LRTM1: variants seen among roughly 807,000 people sequenced by gnomAD.
LRTM1 encodes leucine-rich repeat and transmembrane domain-containing protein 1.
A neutral mutation model predicts 32.4 loss-of-function variants in LRTM1; 38 were observed. The ratio of observed to expected loss-of-function variants is 1.17; its 90% CI spans 0.91 to 1.54. The LOEUF (loss-of-function observed/expected upper bound fraction) is 1.54, where lower values mean the gene tolerates loss of function less well. Among genes scored for constraint, LRTM1 ranks in the 40% most tolerant of loss-of-function variants. LRTM1 has a pLI of 0.00. For missense variants in LRTM1, 466 were observed against 415.4 expected, an observed-to-expected ratio of 1.12 and a Z score of -1.06; for synonymous variants, 186 against 169.9, an observed-to-expected ratio of 1.09 and a Z score of -0.74.
At position 54,918,332 on chromosome 3, in the gene LRTM1, CTTTTTTTTT is replaced by C. The variant is rs533596688; in HGVS notation, c.*118_*126del. ...TTTTACAGACACATCTTTTTTTTTT[CTTTTTTTTT>C]TTTTTTTTTTTTTTGTCTTTTGGCA... On this transcript the variant is annotated 3_prime_UTR_variant, in exon 3 of 3. Transcript: ENST00000273286. 7.9e-4 allele frequency: 181 copies of C among 227,856 alleles called. No individual in the cohort carries two copies. Among genetic ancestry groups the C allele is most frequent in the East Asian group, 2.1e-3 (31 of 14,612 alleles). 14.1% of individuals were successfully genotyped at this position (227,856 alleles called of 1,614,324 possible).
rs1019403809 is a variant in LRTM1, at chr3:54,918,248, T to A, written c.*211A>T. 18 of 541,510 alleles carry A rather than the reference T, an allele frequency of 3.3e-5. No individual in the cohort carries two copies. The highest frequency in any genetic ancestry group is 2.3e-5 in the Non-Finnish European group (7 of 310,860). The allele number at this position is 541,510 out of a possible 1,614,324, so 33.5% of individuals were successfully genotyped here. A position where few individuals can be genotyped will look rare whatever the true frequency, so the allele number is the denominator to read the frequency against. On this transcript the variant is annotated 3_prime_UTR_variant, in exon 3 of 3. Coordinates refer to ENST00000273286, the MANE Select transcript of LRTM1 (RefSeq NM_020678.4). ...TCCCAGGCCCAGAGCACAAGTATCATCTTTATTTTACCTATAGTATTTTAA... is the reference window on the plus strand; with the variant it reads ...TCCCAGGCCCAGAGCACAAGTATCAACTTTATTTTACCTATAGTATTTTAA...
intron 1 of LRTM1, among the ~76,000 whole-genome samples, chr3:54,942,501 G>A (rs184199798): frequency 4.9e-4 from 74 of 152,252 alleles, no homozygotes; most frequent in African/African-American, 1.7e-3. Flanking sequence ...TCCTCTTAAT[G>A]CATCTCTATT....
intron 1 of LRTM1, among the ~76,000 whole-genome samples, chr3:54,950,489 C>G (rs1330969965): frequency 6.6e-6 from 1 of 152,142 alleles, no homozygotes; most frequent in Non-Finnish European, 1.5e-5. Context: ...ATAATGCTGA[C>G]AATAATTATA....
intron 1 of LRTM1, among the ~76,000 whole-genome samples, chr3:54,934,856 C>T (rs182050006): frequency 1.5e-4 from 23 of 152,190 alleles, no homozygotes; most frequent in South Asian, 1.5e-3. Context: ...CTCAGCCTCC[C>T]GAGTAGCTGG....
At chr3:54,941,420 A>C (rs1369074983) in intron 1 of LRTM1, among the ~76,000 whole-genome samples, 1 of 152,132 alleles carries the variant, frequency 6.6e-6, no homozygotes, top group Non-Finnish European at 1.5e-5. Flanking sequence ...GACGGACGCT[A>C]TTTTCAAACT....
At chr3:54,928,331 A>C (rs1701087435), upstream of LRTM1, among the ~76,000 whole-genome samples, 1 of 152,158 alleles carries the variant, frequency 6.6e-6, no homozygotes, top group South Asian at 2.1e-4. Flanking sequence ...CAGGGCACCA[A>C]AATAAAACTG....
chr3:54,960,024 G>T (rs889476791), intron 1 of LRTM1, among the ~76,000 whole-genome samples: 5 of 147,652 alleles, frequency 3.4e-5, no homozygotes, highest in African/African-American at 1.0e-4. Context: ...ATTTATAATT[G>T]TCATTTACTC....
At chr3:54,960,858 A>C (rs1007977177) in intron 1 of LRTM1, among the ~76,000 whole-genome samples, 3 of 152,214 alleles carry the variant, frequency 2.0e-5, no homozygotes, top group African/African-American at 7.2e-5. Flanking sequence ...TTGCAGTTTT[A>C]AATTGTTATT....
chr3:54,962,053 T>C (rs886962137), intron 1 of LRTM1, among the ~76,000 whole-genome samples: 1 of 151,284 alleles, frequency 6.6e-6, no homozygotes, highest in East Asian at 2.0e-4. Context: ...TCATGATAAC[T>C]CATTAATCCA....
At chr3:54,935,938 T>C (rs1208886380) in intron 1 of LRTM1, among the ~76,000 whole-genome samples, 1 of 152,170 alleles carries the variant, frequency 6.6e-6, no homozygotes, top group Non-Finnish European at 1.5e-5. Context: ...GGAATCCCCT[T>C]TGTGAGTCCA....
At chr3:54,933,760 CTTTTT>C (rs34842038) in intron 1 of LRTM1, among the ~76,000 whole-genome samples, 1 of 141,168 alleles carries the variant, frequency 7.1e-6, no homozygotes, top group African/African-American at 2.6e-5. Flanking sequence ...ATTACTATTA[CTTTTT>C]TTTTTTTTTT....
At chr3:54,960,076 CAAA>C (rs10716957) in intron 1 of LRTM1, among the ~76,000 whole-genome samples, 1 of 82,022 alleles carries the variant, frequency 1.2e-5, no homozygotes, top group African/African-American at 3.1e-5. Context: ...TCTGACAGGA[CAAA>C]AAAAAAAAAA....
chr3:54,955,523 A>G (rs1477683094), intron 1 of LRTM1, among the ~76,000 whole-genome samples: 2 of 152,190 alleles, frequency 1.3e-5, no homozygotes, highest in African/African-American at 4.8e-5. Flanking sequence ...CCCTCCCTGC[A>G]CTTAGGATAA....
At position 54,918,625 on chromosome 3, in the gene LRTM1, A is replaced by G. The variant is rs1371097857; in HGVS notation, c.872T>C (p.Ile291Thr). Residue 291 changes from isoleucine (I) to threonine (T), a missense_variant, in exon 3 of 3, where the codon ATC becomes ACC. By Grantham distance (89) the Ile-to-Thr change is moderately conservative. Transcript: ENST00000273286. The stretch of plus-strand genomic sequence containing the variant: ...CACAATCCCACACACAACGCCAGTG[A>G]TGATGACAGTGGCAATGGCATGACG... ...NLRHAIATVI[I>T]TGVVCGIVCL... The G allele has an allele frequency of 6.2e-7, 1 of 1,614,198 alleles. No homozygotes were observed. Among genetic ancestry groups the G allele is most frequent in the African/African-American group, 1.3e-5 (1 of 75,036 alleles).
intron 1 of LRTM1, among the ~76,000 whole-genome samples, chr3:54,951,163 T>TG (rs1283732111): frequency 1.3e-5 from 2 of 152,204 alleles, no homozygotes; most frequent in Non-Finnish European, 2.9e-5. Flanking sequence ...TGTAATATTT[T>TG]GGGGCATAAC....
At chr3:54,942,284 C>G (rs956559281) in intron 1 of LRTM1, among the ~76,000 whole-genome samples, 1 of 152,166 alleles carries the variant, frequency 6.6e-6, no homozygotes. Context: ...AACAGGCAGT[C>G]AGTCAAAGCT....
intron 1 of LRTM1, among the ~76,000 whole-genome samples, chr3:54,949,526 C>G (rs541046456): frequency 1.3e-5 from 2 of 152,322 alleles, no homozygotes; most frequent in Non-Finnish European, 2.9e-5. Context: ...CAATGGCCCA[C>G]TCCACCATTC....
At position 54,921,819 on chromosome 3, in the gene LRTM1, A is replaced by G. The variant is rs192692264; in HGVS notation, c.604+2800T>C. ...TTGAACTCTGCCATGAATGAGCAAC[A>G]GATTTTATTGCATATATAACTAAAG... On this transcript the variant is annotated intron_variant, in intron 2 of 2. Transcript: ENST00000273286. 7.9e-5 allele frequency among the ~76,000 whole-genome samples: 12 copies of G among 152,310 alleles called. No homozygotes were observed. The East Asian group carries it at 2.3e-3, about 29-fold the overall frequency.
chr3:54,949,169 G>A (rs574235941), intron 1 of LRTM1, among the ~76,000 whole-genome samples: 17 of 152,302 alleles, frequency 1.1e-4, no homozygotes, highest in African/African-American at 3.6e-4. Context: ...CCTGGGGCTT[G>A]TTCTCCTTGA....
Sources: allele counts gnomAD v4.1 joint callset (sites outside exome capture counted in the v4.1 genomes callset), GRCh38; gene constraint gnomAD v4.1.1; transcripts MANE v1.5; gene names NCBI Gene and HGNC (gene_info 2026-07-23, HGNC 2026-07-21).